XKR6: variants seen among roughly 807,000 people sequenced by gnomAD.
The protein encoded by XKR6 is XK-related protein 6.
In XKR6, 22 loss-of-function variants were observed where a neutral mutation model predicts 56.7. That is an observed-to-expected ratio of 0.39 (90% CI 0.28 to 0.55). The LOEUF (loss-of-function observed/expected upper bound fraction) is 0.55. Ranked by LOEUF, XKR6 falls within the 20% of genes least tolerant of loss-of-function variation. The pLI, the probability that XKR6 is intolerant of heterozygous loss-of-function variation, is 0.66. For missense variants in XKR6, 852 were observed against 889.0 expected, an observed-to-expected ratio of 0.96 and a Z score of 0.53; for synonymous variants, 524 against 387.8, an observed-to-expected ratio of 1.35 and a Z score of -4.13.
intron 1 of XKR6, among the ~76,000 whole-genome samples, chr8:10,959,779 A>G (rs1482729873): frequency 6.6e-6 from 1 of 152,210 alleles, no homozygotes; most frequent in Non-Finnish European, 1.5e-5. Context: ...AGACAGAGGA[A>G]CAATCCTCTG....
intron 1 of XKR6, among the ~76,000 whole-genome samples, chr8:11,170,644 C>A (rs1030808438): frequency 2.6e-5 from 4 of 152,182 alleles, no homozygotes; most frequent in Admixed American, 6.5e-5. Context: ...TTGCACAACT[C>A]TGTGAAGATA....
chr8:11,061,341 C>T (rs1351737584), intron 1 of XKR6, among the ~76,000 whole-genome samples: 3 of 152,086 alleles, frequency 2.0e-5, no homozygotes, highest in Admixed American at 6.5e-5. Context: ...TGGTGTGCAC[C>T]TGTAGTCCCA....
At position 11,201,312 on chromosome 8, in the gene XKR6, C is replaced by T. The variant is rs1292161670; in HGVS notation, c.28G>A (p.Val10Met). Residue 10 changes from valine (V) to methionine (M), a missense_variant, in exon 1 of 3, where the codon GTG becomes ATG. By Grantham distance (21) the Val-to-Met change is conservative. Transcript: ENST00000416569. MAAKSDGGG[V>M]GVGFAQLHNL... ...TGCAGCTGAGCGAAGCCCACCCCCA[C>T]GCCACCGCCATCGGATTTCGCCGCC... is the stretch of plus-strand genomic sequence containing the variant. 1.0e-5 allele frequency: 16 copies of T among 1,577,862 alleles called. No individual in the cohort carries two copies. Among genetic ancestry groups the T allele is most frequent in the South Asian group, 9.0e-5 (8 of 89,090 alleles).
intron 1 of XKR6, among the ~76,000 whole-genome samples, chr8:11,010,362 T>A (rs1249174756): frequency 2.0e-5 from 3 of 152,136 alleles, no homozygotes; most frequent in African/African-American, 7.2e-5. Context: ...ATACCAATAA[T>A]AATAGTAATA....
intron 1 of XKR6, among the ~76,000 whole-genome samples, chr8:11,059,016 T>C (rs1444538484): frequency 6.6e-6 from 1 of 151,946 alleles, no homozygotes; most frequent in Non-Finnish European, 1.5e-5. Context: ...GCTCAGAAAG[T>C]TGAAATAGCG....
chr8:11,166,607 T>C, intron 1 of XKR6, among the ~76,000 whole-genome samples: 1 of 137,386 alleles, frequency 7.3e-6, no homozygotes, highest in South Asian at 2.1e-4. Context: ...AGTTTCACTC[T>C]TGTCGCTCAG....
intron 1 of XKR6, among the ~76,000 whole-genome samples, chr8:11,114,402 C>G (rs1187321063): frequency 6.6e-6 from 1 of 152,106 alleles, no homozygotes; most frequent in Non-Finnish European, 1.5e-5. Context: ...ACTCTGTCAC[C>G]CAGGCTAGAG....
rs1287417413 is a variant in XKR6 at position 11,201,023 on chromosome 8, T to C, written c.317A>G (p.Gln106Arg). The C allele has an allele frequency of 1.7e-6, 2 of 1,210,390 alleles. No homozygotes were observed. Among genetic ancestry groups the C allele is most frequent in the African/African-American group, 3.2e-5 (2 of 62,336 alleles). 75.0% of individuals were successfully genotyped at this position (1,210,390 alleles called of 1,614,324 possible). Residue 106 changes from glutamine (Q) to arginine (R), a missense_variant, in exon 1 of 3, where the codon CAA (glutamine) becomes CGA (arginine). Physicochemically the swap from Gln to Arg is conservative, Grantham distance 43. Around this residue, in one of 4 missense-constraint regions of XKR6, gnomAD observed 417 missense variants for 355.2 expected, o/e 1.17. Coordinates refer to ENST00000416569, the MANE Select transcript of XKR6 (RefSeq NM_173683.4). ...CCGCGCGGCCGAGGGCGTCGGGGGT[T>C]GGCGGCCGGCGCCGGGGGCCGCGGG... ...QPPAAPGAGR[Q>R]PPTPSAARPE...
intron 1 of XKR6, among the ~76,000 whole-genome samples, chr8:11,098,738 T>A (rs1236673463): frequency 6.6e-6 from 1 of 152,222 alleles, no homozygotes; most frequent in Non-Finnish European, 1.5e-5. Context: ...CTCTTAGAAA[T>A]CTTGTTCCCT....
At chr8:11,000,488 C>A (rs541411773) in intron 1 of XKR6, among the ~76,000 whole-genome samples, 33 of 152,238 alleles carry the variant, frequency 2.2e-4, no homozygotes, top group African/African-American at 7.7e-4. Flanking sequence ...GAGCTCGAAA[C>A]CAGCCTAGCC....
intron 1 of XKR6, among the ~76,000 whole-genome samples, chr8:11,179,290 G>C (rs11777887): frequency 0.3 from 45,717 of 151,938 alleles, 7,579 homozygotes; most frequent in Non-Finnish European, 0.37. Context: ...GATTCCTTTA[G>C]GTAACTGTTA....
At chr8:11,109,120 C>G (rs1443698006) in intron 1 of XKR6, 1 of 152,170 alleles carries the variant, frequency 6.6e-6, no homozygotes, top group African/African-American at 2.4e-5. Context: ...TACTGAAACG[C>G]TTTTCTAGTA....
intron 1 of XKR6, chr8:11,108,712 G>A (rs1798775017): frequency 5.0e-6 from 1 of 201,646 alleles, no homozygotes; most frequent in African/African-American, 2.4e-5. Context: ...TCCATTCCAA[G>A]GCGACAGAGA....
At chr8:10,983,003 T>C (rs915556125) in intron 1 of XKR6, among the ~76,000 whole-genome samples, 2 of 152,166 alleles carry the variant, frequency 1.3e-5, no homozygotes, top group Non-Finnish European at 2.9e-5. Flanking sequence ...TGAAGGCCCA[T>C]ACCAATTAAC....
chr8:10,939,916 G>T (rs1230053414), intron 1 of XKR6, among the ~76,000 whole-genome samples: 1 of 152,238 alleles, frequency 6.6e-6, no homozygotes, highest in Non-Finnish European at 1.5e-5. Flanking sequence ...GGGGTCCACA[G>T]CAGCCAGCCT....
intron 1 of XKR6, among the ~76,000 whole-genome samples, chr8:11,140,805 G>A (rs2116933042): frequency 6.6e-6 from 1 of 151,628 alleles, no homozygotes; most frequent in Non-Finnish European, 1.5e-5. Flanking sequence ...GGCTGAGGCA[G>A]GAGAATGGCG....
In XKR6 at chr8:11,200,846, G is replaced by A. The variant is rs1804181411; in HGVS notation, c.494C>T (p.Thr165Ile). 8 of 1,611,922 alleles carry A rather than the reference G, an allele frequency of 5.0e-6. No individual in the cohort carries two copies. Among genetic ancestry groups the A allele is most frequent in the African/African-American group, 2.7e-5 (2 of 74,780 alleles). ...RKGDYVYFGL[T>I]LFFVLVPSLL... Reference sequence around the variant, plus strand: ...CGACGGCACCAGCACGAAGAAGAGGGTCAGCCCGAAGTAGACGTAGTCCCC... The same window carrying A: ...CGACGGCACCAGCACGAAGAAGAGGATCAGCCCGAAGTAGACGTAGTCCCC... Residue 165 changes from threonine to isoleucine, a missense_variant, in exon 1 of 3, where the codon ACC becomes ATC. By Grantham distance (89) the Thr-to-Ile change is moderately conservative (BLOSUM62 -1). Around this residue, in one of 4 missense-constraint regions of XKR6, gnomAD observed 417 missense variants for 355.2 expected, o/e 1.17. Coordinates refer to ENST00000416569, the MANE Select transcript of XKR6 (RefSeq NM_173683.4). This position sits in a 1 kb window ranked among gnomAD's most constrained non-coding sequence, Gnocchi z 6.4.
chr8:10,917,619 A>G (rs901637791), intron 2 of XKR6, among the ~76,000 whole-genome samples: 4 of 152,118 alleles, frequency 2.6e-5, no homozygotes, highest in Admixed American at 6.5e-5. Flanking sequence ...CCCCCTGCTG[A>G]GTTAGAGTCT....
At chr8:11,172,602 G>A (rs1802436052) in intron 1 of XKR6, among the ~76,000 whole-genome samples, 1 of 152,170 alleles carries the variant, frequency 6.6e-6, no homozygotes, top group Non-Finnish European at 1.5e-5. Flanking sequence ...CATGCACCCA[G>A]GCCTGCTCCC....
Sources: gnomAD v4.1 joint callset for allele counts (sites outside exome capture counted in the v4.1 genomes callset) on GRCh38, gnomAD v4.1.1 for gene constraint, gnomAD v4.1.1 regional missense constraint, Gnocchi (gnomAD v3.1) non-coding constraint, MANE v1.5 for transcripts, NCBI Gene and HGNC (gene_info 2026-07-23, HGNC 2026-07-21) for gene names.